IL36B: variants seen among roughly 807,000 people sequenced by gnomAD.
IL36B encodes the protein interleukin 36 beta.
In IL36B, 23 loss-of-function variants were observed where a neutral mutation model predicts 19.3. The observed-to-expected ratio is 1.19, with a 90% CI of 0.86 to 1.69. The LOEUF is 1.69. Among genes scored for constraint, IL36B ranks in the 40% most tolerant of loss-of-function variants. The pLI is 0.00. For synonymous variants in IL36B, 59 were observed against 59.7 expected, an observed-to-expected ratio of 0.99 and a Z score of 0.05; for missense variants, 217 against 200.5, an observed-to-expected ratio of 1.08 and a Z score of -0.50.
At position 113,022,632 on chromosome 2, in the gene IL36B, C is replaced by T. The variant is rs1322882791; in HGVS notation, c.*42G>A. On this transcript the variant is annotated 3_prime_UTR_variant, in exon 6 of 6. Transcript: ENST00000259213. ...TGTAGCATTTCATTGATAGCAAACC[C>T]ACTCAAAGATTGTAGAGATGGGAAT... 2.4e-6 allele frequency: 3 copies of T among 1,242,986 alleles called. No individual in the cohort carries two copies. The highest frequency in any genetic ancestry group is 1.5e-5 in the African/African-American group (1 of 67,506). The allele number at this position is 1,242,986 out of a possible 1,614,324, so 77.0% of individuals were successfully genotyped here.
chr2:113,043,962 A>G (rs1685303279), intron 1 of IL36B, among the ~76,000 whole-genome samples: 1 of 152,152 alleles, frequency 6.6e-6, no homozygotes, highest in African/African-American at 2.4e-5. Flanking sequence ...CTTTTTGCCA[A>G]TGCCACATGT....
At chr2:113,024,693 A>ATGGGC (rs765815343) in intron 5 of IL36B, among the ~76,000 whole-genome samples, 1 of 152,204 alleles carries the variant, frequency 6.6e-6, no homozygotes, top group African/African-American at 2.4e-5. Context: ...GTGATGTAAG[A>ATGGGC]TGGGCTGGCT....
At chr2:113,028,915 C>T in intron 4 of IL36B, 24 bp downstream of exon 4, 1 of 1,610,090 alleles carries the variant, frequency 6.2e-7, no homozygotes, top group Non-Finnish European at 8.5e-7. Context: ...CAGTACTTCT[C>T]TCGTTAGCTG....
At chr2:113,046,451 C>T (rs753816114) in intron 1 of IL36B, among the ~76,000 whole-genome samples, 6 of 152,040 alleles carry the variant, frequency 3.9e-5, no homozygotes, top group South Asian at 2.1e-4. Flanking sequence ...CCTCGTGATC[C>T]GCCCACCTCG....
At chr2:113,028,051 T>C (rs1170985336) in intron 4 of IL36B, 2 of 1,614,206 alleles carry the variant, frequency 1.2e-6, no homozygotes, top group South Asian at 1.1e-5. Context: ...GCCTTCTTTA[T>C]TGTGGAAAAA....
intron 1 of IL36B, among the ~76,000 whole-genome samples, chr2:113,034,621 T>C (rs1176058309): frequency 6.6e-6 from 1 of 152,162 alleles, no homozygotes; most frequent in African/African-American, 2.4e-5. Flanking sequence ...CTAACAAATA[T>C]TTTTTGATAA....
chr2:113,026,146 C>T lies in IL36B; in HGVS notation c.348G>A (p.Glu116=), dbSNP rs1684956331. ...GGTCAAGGGTTCCCATGAAGCAGCT[C>T]TCTCTCACATCCAGGTTTATGCATG... Residue 116 remains glutamate, a synonymous_variant, in exon 5 of 6, where the codon GAG becomes GAA. Coordinates refer to ENST00000259213, the MANE Select transcript of IL36B (RefSeq NM_014438.5). The T allele has an allele frequency of 1.9e-6, 3 of 1,613,918 alleles. 1 individual carries two copies.
At chr2:113,027,868 A>C in intron 4 of IL36B, 1 of 1,611,162 alleles carries the variant, frequency 6.2e-7, no homozygotes, top group African/African-American at 1.3e-5. Flanking sequence ...TTGATTCTCT[A>C]TCCTGGAACC....
intron 1 of IL36B, among the ~76,000 whole-genome samples, chr2:113,043,981 G>A (rs1451126497): frequency 2.0e-5 from 3 of 152,142 alleles, no homozygotes; most frequent in African/African-American, 7.2e-5. Context: ...GTAATAATCA[G>A]CATGTCAATT....
At chr2:113,032,538 G>C (rs1166677263) in intron 1 of IL36B, among the ~76,000 whole-genome samples, 2 of 152,292 alleles carry the variant, frequency 1.3e-5, no homozygotes, top group South Asian at 4.1e-4. Context: ...ACCCTTGTAA[G>C]CAGCCCTGGA....
chr2:113,044,795 T>C (rs1473592394), intron 1 of IL36B, among the ~76,000 whole-genome samples: 1 of 152,192 alleles, frequency 6.6e-6, no homozygotes, highest in Non-Finnish European at 1.5e-5. Flanking sequence ...TTCCATTTTT[T>C]CCTGAGTCCT....
intron 1 of IL36B, among the ~76,000 whole-genome samples, chr2:113,051,654 C>T (rs549835523): frequency 6.6e-6 from 1 of 152,326 alleles, no homozygotes; most frequent in Non-Finnish European, 1.5e-5. Flanking sequence ...TCCAGGGTTT[C>T]TCGAAAGCGC....
intron 4 of IL36B, among the ~76,000 whole-genome samples, chr2:113,028,400 C>G (rs974458458): frequency 2.0e-5 from 3 of 152,184 alleles, no homozygotes; most frequent in African/African-American, 7.2e-5. Context: ...TTTCTTGGTG[C>G]TTTTGATATG....
At chr2:113,033,826 A>G (rs759045521) in intron 1 of IL36B, among the ~76,000 whole-genome samples, 1 of 152,176 alleles carries the variant, frequency 6.6e-6, no homozygotes, top group Non-Finnish European at 1.5e-5. Flanking sequence ...GTGGCTTTCT[A>G]ACTCTGAATT....
chr2:113,052,395 T>C (rs114780794), intron 1 of IL36B, among the ~76,000 whole-genome samples: 1,718 of 152,270 alleles, frequency 0.011, 22 homozygotes, highest in Non-Finnish European at 0.014. Flanking sequence ...TGGGTGTGAA[T>C]TAGTATGAAG....
intron 1 of IL36B, among the ~76,000 whole-genome samples, chr2:113,032,777 G>C (rs1685103443): frequency 6.6e-6 from 1 of 152,196 alleles, no homozygotes; most frequent in Non-Finnish European, 1.5e-5. Flanking sequence ...CAAGGAAAGA[G>C]CATTCTTTCC....
rs1684884958 is a variant in IL36B at position 113,022,729 on chromosome 2, T to G, written c.440A>C (p.Lys147Thr). 6.2e-7 allele frequency: 1 copy of G among 1,613,536 alleles called. No individual in the cohort carries two copies. The highest frequency in any genetic ancestry group is 2.2e-5 in the East Asian group (1 of 44,878). Residue 147 changes from lysine (K) to threonine (T), a missense_variant, in exon 6 of 6, where the codon AAG becomes ACG. Coordinates refer to ENST00000259213, the MANE Select transcript of IL36B (RefSeq NM_014438.5). ...CCGCATGGATGAGAAATCTTTGTCC[T>G]TCTTCCTGAGATGGTGATGTTGAAA...
intron 1 of IL36B, among the ~76,000 whole-genome samples, chr2:113,034,656 A>G (rs2105047528): frequency 6.6e-6 from 1 of 152,354 alleles, no homozygotes; most frequent in South Asian, 2.1e-4. Context: ...GTAGTATCTC[A>G]TGAATAAGAG....
In IL36B at chr2:113,022,210, T is replaced by C. The variant is rs1684873037; in HGVS notation, c.*464A>G. 6.5e-6 allele frequency: 1 copy of C among 153,368 alleles called. No individual in the cohort carries two copies. The highest frequency in any genetic ancestry group is 2.4e-5 in the African/African-American group (1 of 41,456). The allele number at this position is 153,368 out of a possible 1,614,324, so 9.5% of individuals were successfully genotyped here. ...TAAGTTATACATACTAAACAGAGCGTTTCACTCCTCATGCTCTAGTGAATA... is the reference window on the plus strand; with the variant it reads ...TAAGTTATACATACTAAACAGAGCGCTTCACTCCTCATGCTCTAGTGAATA... On this transcript the variant is annotated 3_prime_UTR_variant, in exon 6 of 6. Coordinates refer to ENST00000259213, the MANE Select transcript of IL36B (RefSeq NM_014438.5).
Sources: gnomAD v4.1 joint callset for allele counts (sites outside exome capture counted in the v4.1 genomes callset) on GRCh38, gnomAD v4.1.1 for gene constraint, MANE v1.5 for transcripts, NCBI Gene and HGNC (gene_info 2026-07-23, HGNC 2026-07-21) for gene names.